SEMA3A: variants seen among roughly 807,000 people sequenced by gnomAD.
SEMA3A encodes semaphorin 3A, also known as semaphorin-3A.
SEMA3A carries 29 observed loss-of-function variants against 97.9 expected under a neutral mutation model. The ratio of observed to expected loss-of-function variants is 0.30; its 90% confidence interval spans 0.22 to 0.40. The LOEUF (loss-of-function observed/expected upper bound fraction) is 0.40, where lower values mean the gene tolerates loss of function less well. Among genes scored for constraint, SEMA3A ranks in the 10% least tolerant of loss-of-function variants. The probability of loss-of-function intolerance (pLI) is 1.00; values close to 1 mark genes in which losing one functional copy is unlikely to be tolerated. For synonymous variants in SEMA3A, 321 were observed against 323.7 expected (o/e 0.99, Z 0.09); for missense variants, 763 against 951.3 (o/e 0.80, Z 2.60).
At position 84,392,467 on chromosome 7, in the gene SEMA3A, T is replaced by C. The variant is rs144618936; in HGVS notation, c.-245-20567A>G. Among the ~76,000 whole-genome samples the C allele has an allele frequency of 7.9e-5, 12 of 152,298 alleles. No homozygotes were observed. The East Asian group carries it at 2.3e-3, about 29-fold the overall frequency. On this transcript the variant is annotated intron_variant, in intron 1 of 3. Coordinates refer to the SEMA3A transcript ENST00000424555. ...ACCACATTTTCTTTATCTCTTCACC[T>C]AGTGATGGTCATCTAGATTGATTCC...
chr7:84,028,099 G>C (rs1791612982), intron 6 of SEMA3A, among the ~76,000 whole-genome samples: 1 of 152,146 alleles, frequency 6.6e-6, no homozygotes, highest in Admixed American at 6.5e-5. Context: ...AAAGATGATT[G>C]ATGAATGGAG....
chr7:84,067,873 C>T (rs1283209949), intron 4 of SEMA3A, among the ~76,000 whole-genome samples: 1 of 149,546 alleles, frequency 6.7e-6, no homozygotes, highest in Non-Finnish European at 1.5e-5. Flanking sequence ...GGCTATTCCT[C>T]AGGGATCTAG....
chr7:84,313,091 C>T (rs896912218), intron 2 of SEMA3A, among the ~76,000 whole-genome samples: 6 of 143,108 alleles, frequency 4.2e-5, no homozygotes, highest in African/African-American at 2.6e-5. Flanking sequence ...TAATTGTTTT[C>T]ATTAAGCCAT....
chr7:84,158,458 T>C (rs1796923509), intron 1 of SEMA3A, among the ~76,000 whole-genome samples: 1 of 152,086 alleles, frequency 6.6e-6, no homozygotes, highest in South Asian at 2.1e-4. Context: ...GGCCAACAGT[T>C]ACTTCTTTAT....
chr7:83,989,813 A>T (rs1584512337), intron 12 of SEMA3A, among the ~76,000 whole-genome samples: 1 of 150,334 alleles, frequency 6.7e-6, no homozygotes, highest in East Asian at 2.0e-4. Context: ...CATGATTTAT[A>T]GTCCTTTGGG....
intron 3 of SEMA3A, among the ~76,000 whole-genome samples, chr7:84,277,500 G>A (rs1800334391): frequency 1.3e-5 from 2 of 152,206 alleles, no homozygotes; most frequent in Admixed American, 6.5e-5. Flanking sequence ...CTTAAAAAAT[G>A]GGGTGTGACT....
intron 4 of SEMA3A, among the ~76,000 whole-genome samples, chr7:84,070,420 A>C (rs1392184770): frequency 6.6e-6 from 1 of 152,122 alleles, no homozygotes; most frequent in Non-Finnish European, 1.5e-5. Context: ...CATGGCAATA[A>C]ATTTCCTAAA....
intron 2 of SEMA3A, among the ~76,000 whole-genome samples, chr7:84,342,900 T>C (rs13245958): frequency 0.22 from 33,274 of 152,150 alleles, 3,759 homozygotes; most frequent in Admixed American, 0.27. Context: ...GCAAACTATG[T>C]GAGCAAAATT....
intron 1 of SEMA3A, among the ~76,000 whole-genome samples, chr7:84,153,474 G>T (rs1400764394): frequency 6.6e-6 from 1 of 152,056 alleles, no homozygotes; most frequent in East Asian, 1.9e-4. Flanking sequence ...TCATGTGATG[G>T]CAAGTAAATG....
At chr7:84,090,122 C>T (rs1794516438) in intron 4 of SEMA3A, among the ~76,000 whole-genome samples, 1 of 151,906 alleles carries the variant, frequency 6.6e-6, no homozygotes, top group South Asian at 2.1e-4. Flanking sequence ...AAATATTATA[C>T]AAGATAGTTT....
At chr7:84,174,386 G>C (rs1373590833) in intron 1 of SEMA3A, among the ~76,000 whole-genome samples, 1 of 152,150 alleles carries the variant, frequency 6.6e-6, no homozygotes. Context: ...AAGGAACTTA[G>C]GGTTTAAATA....
chr7:84,342,279 C>T (rs1180671267), intron 2 of SEMA3A, among the ~76,000 whole-genome samples: 1 of 152,242 alleles, frequency 6.6e-6, no homozygotes, highest in East Asian at 1.9e-4. Context: ...AGGTGATCTG[C>T]CTGCCTTGGG....
chr7:84,443,079 C>A (rs985340094), intron 1 of SEMA3A, among the ~76,000 whole-genome samples: 1 of 151,942 alleles, frequency 6.6e-6, no homozygotes, highest in Non-Finnish European at 1.5e-5. Flanking sequence ...CAGAAGTATG[C>A]GAATAGAGGA....
chr7:84,385,982 T>TA (rs1803385522), intron 1 of SEMA3A, among the ~76,000 whole-genome samples: 1 of 152,214 alleles, frequency 6.6e-6, no homozygotes, highest in South Asian at 2.1e-4. Flanking sequence ...ATTCTGCTTT[T>TA]AAACCAAAGT....
chr7:84,377,564 A>G (rs1803136842), intron 1 of SEMA3A, among the ~76,000 whole-genome samples: 1 of 152,138 alleles, frequency 6.6e-6, no homozygotes, highest in Non-Finnish European at 1.5e-5. Flanking sequence ...CTTTTTGCTC[A>G]GAATTGCTTT....
At chr7:84,381,573 C>T (rs1228126548) in intron 1 of SEMA3A, among the ~76,000 whole-genome samples, 1 of 152,146 alleles carries the variant, frequency 6.6e-6, no homozygotes, top group Admixed American at 6.6e-5. Flanking sequence ...TCGATTTCTG[C>T]CCATCACCCT....
intron 3 of SEMA3A, among the ~76,000 whole-genome samples, chr7:84,266,736 A>G: frequency 1.3e-5 from 2 of 152,198 alleles, no homozygotes; most frequent in East Asian, 3.8e-4. Flanking sequence ...TTTGGACATC[A>G]CAGGACTTGC....
intron 4 of SEMA3A, among the ~76,000 whole-genome samples, chr7:84,079,946 A>C (rs1420518067): frequency 6.8e-6 from 1 of 147,280 alleles, no homozygotes; most frequent in Admixed American, 6.8e-5. Flanking sequence ...AAGACTTGGA[A>C]CCAACCCAAA....
intron 9 of SEMA3A, among the ~76,000 whole-genome samples, chr7:84,007,921 T>C (rs1790731072): frequency 6.6e-6 from 1 of 152,174 alleles, no homozygotes; most frequent in Non-Finnish European, 1.5e-5. Flanking sequence ...AGAACTCACT[T>C]TGTAGGCTGA....
Sources: allele counts gnomAD v4.1 joint callset (sites outside exome capture counted in the v4.1 genomes callset), GRCh38; gene constraint gnomAD v4.1.1; transcripts MANE v1.5; gene names NCBI Gene and HGNC (gene_info 2026-07-23, HGNC 2026-07-21).